Variants in NUAK1 observed in about 807,000 individuals in gnomAD.
The protein encoded by NUAK1 is NUAK family kinase 1.
Under a neutral mutation model 56.9 loss-of-function variants are expected in NUAK1, and 26 were observed. That is an observed-to-expected ratio of 0.46 (90% CI 0.33 to 0.63). The LOEUF (loss-of-function observed/expected upper bound fraction) is 0.63, where lower values mean the gene tolerates loss of function less well. NUAK1 is among the 30% of genes least tolerant of loss of function. The pLI, the probability that NUAK1 is intolerant of heterozygous loss-of-function variation, is 0.02. For missense variants in NUAK1, 727 were observed against 876.1 expected (o/e 0.83, Z 2.15); for synonymous variants, 337 against 336.0 (o/e 1.00, Z -0.03).
intron 2 of NUAK1, chr12:106,105,712 T>G (rs1458592647): frequency 6.6e-6 from 1 of 152,222 alleles, no homozygotes; most frequent in African/African-American, 2.4e-5. Context: ...ATTTTAACAT[T>G]TCGATTTCAA....
At chr12:106,109,884 A>C (rs1267420716) in intron 1 of NUAK1, among the ~76,000 whole-genome samples, 2 of 152,164 alleles carry the variant, frequency 1.3e-5, no homozygotes, top group African/African-American at 4.8e-5. Context: ...TTTAACCCAG[A>C]GTGAGTGTTC....
At chr12:106,101,322 T>C (rs10778458) in intron 2 of NUAK1, among the ~76,000 whole-genome samples, 38,811 of 152,156 alleles carry the variant, frequency 0.26, 5,442 homozygotes, top group African/African-American at 0.37. Context: ...CACGTAGCCA[T>C]GACCCCCAGT....
chr12:106,138,487 T>C lies in NUAK1; in HGVS notation c.167A>G (p.Glu56Gly). ...GCCTTTGCCCAGGGTCTCCTGCAGC[T>C]CGTAGCGGTGCTTCAAGTTGTGCTT... Reference protein sequence around the residue: ...HHKHNLKHRYELQETLGKGTY... With the variant: ...HHKHNLKHRYGLQETLGKGTY... Residue 56 changes from glutamate (E) to glycine (G), a missense_variant, in exon 1 of 7, where the codon GAG becomes GGG. Coordinates refer to ENST00000261402, the MANE Select transcript of NUAK1 (RefSeq NM_014840.3). The surrounding 1 kb of genome is among the most constrained non-coding windows in gnomAD (Gnocchi z 5.0). 1 of 1,613,412 alleles carries C rather than the reference T, an allele frequency of 6.2e-7. No homozygotes were observed.
chr12:106,072,891 A>G (rs1353775091), intron 4 of NUAK1, 48 bp from the exon 5 acceptor site: 1 of 1,609,230 alleles, frequency 6.2e-7, no homozygotes, highest in Non-Finnish European at 8.5e-7. Context: ...ATTCCAGATT[A>G]TGTCTGTGTT....
intron 2 of NUAK1, among the ~76,000 whole-genome samples, chr12:106,094,516 T>G (rs1249933765): frequency 1.3e-5 from 2 of 152,234 alleles, no homozygotes; most frequent in Admixed American, 6.5e-5. Flanking sequence ...CGTCCTCTGA[T>G]CTCTTGGATC....
At chr12:106,131,476 T>C (rs1197021880) in intron 1 of NUAK1, among the ~76,000 whole-genome samples, 1 of 152,238 alleles carries the variant, frequency 6.6e-6, no homozygotes, top group Non-Finnish European at 1.5e-5. Context: ...TCACTGAACA[T>C]AATGTTTTCA....
chr12:106,082,586 C>T (rs967626329), intron 4 of NUAK1, among the ~76,000 whole-genome samples: 40 of 152,206 alleles, frequency 2.6e-4, no homozygotes, highest in African/African-American at 9.2e-4. Context: ...CAGAAATAGA[C>T]CCTGCGATTC....
intron 3 of NUAK1, among the ~76,000 whole-genome samples, chr12:106,084,789 G>T (rs1356483771): frequency 6.6e-6 from 1 of 152,180 alleles, no homozygotes; most frequent in Non-Finnish European, 1.5e-5. Context: ...GAAGAGCAGT[G>T]GGCCCGAAAG....
Position 106,138,411 on chromosome 12 carries a change from C to A in NUAK1, c.240+3G>T. On this transcript the variant is annotated splice_donor_region_variant and intron_variant, in intron 1 of 6. Coordinates refer to ENST00000261402, the MANE Select transcript of NUAK1 (RefSeq NM_014840.3). This position sits in a 1 kb window ranked among gnomAD's most constrained non-coding sequence, Gnocchi z 5.0. Reference sequence around the variant, plus strand: ...CCGCACCCTCCAGGATTGCCCCACTCACCACTCGGCCAGAAAACCTCTCGG... The same window carrying A: ...CCGCACCCTCCAGGATTGCCCCACTAACCACTCGGCCAGAAAACCTCTCGG... The A allele has an allele frequency of 1.2e-6, 2 of 1,605,192 alleles. No homozygotes were observed. Among genetic ancestry groups the A allele is most frequent in the Non-Finnish European group, 8.5e-7 (1 of 1,176,648 alleles).
rs750598493 is a variant in NUAK1 at position 106,067,411 on chromosome 12, C to T, written c.1377G>A (p.Ser459=). The change falls in exon 7 of 7, where the codon TCG becomes TCA. Residue 459 remains serine (S), a synonymous_variant. Coordinates refer to ENST00000261402, the MANE Select transcript of NUAK1 (RefSeq NM_014840.3). This position sits in a 1 kb window ranked among gnomAD's most constrained non-coding sequence, Gnocchi z 6.0. ...EVPGKLSPKQ[S]ATMPKKGILK... ...AGATGCCTTTCTTGGGCATCGTGGCCGACTGCTTGGGGCTGAGTTTTCCCG... is the reference window on the plus strand; with the variant it reads ...AGATGCCTTTCTTGGGCATCGTGGCTGACTGCTTGGGGCTGAGTTTTCCCG... 113 of 1,614,144 alleles carry T rather than the reference C, an allele frequency of 7.0e-5. No homozygotes were observed. Among genetic ancestry groups the T allele is most frequent in the Admixed American group, 1.7e-4 (10 of 60,030 alleles).
At chr12:106,119,748 G>A (rs2032955127) in intron 1 of NUAK1, among the ~76,000 whole-genome samples, 2 of 152,126 alleles carry the variant, frequency 1.3e-5, no homozygotes, top group African/African-American at 2.4e-5. Flanking sequence ...AAGTTAATAA[G>A]GGAGATGACA....
At chr12:106,099,889 C>T (rs1291160802) in intron 2 of NUAK1, among the ~76,000 whole-genome samples, 1 of 151,596 alleles carries the variant, frequency 6.6e-6, no homozygotes, top group African/African-American at 2.4e-5. Context: ...CTTCCGGGTT[C>T]AAGTGATTCT....
intron 1 of NUAK1, among the ~76,000 whole-genome samples, chr12:106,106,824 CG>C: frequency 6.6e-6 from 1 of 152,010 alleles, no homozygotes; most frequent in East Asian, 1.9e-4. Flanking sequence ...TGGCCAGAGT[CG>C]TTTACTCGAA....
At chr12:106,096,495 G>C (rs2032698426) in intron 2 of NUAK1, among the ~76,000 whole-genome samples, 1 of 152,220 alleles carries the variant, frequency 6.6e-6, no homozygotes, top group Non-Finnish European at 1.5e-5. Flanking sequence ...CGAGTCCTCA[G>C]TTTGGATCCA....
Position 106,128,890 on chromosome 12 carries a change from T to C in NUAK1, c.240+9524A>G, listed in dbSNP as rs78696934. On this transcript the variant is annotated intron_variant, in intron 1 of 6. Transcript: ENST00000261402. ...AAAAGGCAAATCATGATGGTGTTTT[T>C]TCAAGACATACATTAACTCCGCACC... is the stretch of plus-strand genomic sequence containing the variant. Among the ~76,000 whole-genome samples the C allele has an allele frequency of 1.8e-3, 273 of 152,362 alleles. 1 individual carries two copies. Among genetic ancestry groups the C allele is most frequent in the African/African-American group, 6.2e-3 (259 of 41,590 alleles).
chr12:106,131,264 G>A (rs1036733014), intron 1 of NUAK1, among the ~76,000 whole-genome samples: 5 of 151,812 alleles, frequency 3.3e-5, no homozygotes, highest in African/African-American at 7.3e-5. Flanking sequence ...TAGTATATTC[G>A]GAGGGGTGCA....
intron 1 of NUAK1, among the ~76,000 whole-genome samples, chr12:106,108,475 T>C (rs1427180966): frequency 6.6e-6 from 1 of 151,442 alleles, no homozygotes; most frequent in Admixed American, 6.6e-5. Context: ...CACAGCCCCA[T>C]TCAGTATAGG....
At chr12:106,109,599 A>G (rs1483701929) in intron 1 of NUAK1, among the ~76,000 whole-genome samples, 2 of 152,142 alleles carry the variant, frequency 1.3e-5, no homozygotes, top group Non-Finnish European at 2.9e-5. Flanking sequence ...CAGCTCCTGC[A>G]AAAGTATCTG....
At chr12:106,121,781 G>A (rs1258341821) in intron 1 of NUAK1, among the ~76,000 whole-genome samples, 1 of 152,020 alleles carries the variant, frequency 6.6e-6, no homozygotes, top group Non-Finnish European at 1.5e-5. Flanking sequence ...GTGTGGGGAG[G>A]GAGGAACATC....
Sources: allele counts gnomAD v4.1 joint callset (sites outside exome capture counted in the v4.1 genomes callset), GRCh38; gene constraint gnomAD v4.1.1; non-coding constraint Gnocchi (gnomAD v3.1); transcripts MANE v1.5; gene names NCBI Gene and HGNC (gene_info 2026-07-23, HGNC 2026-07-21).